The following GALNT17 variants were observed in gnomAD, a reference collection of about 807,000 sequenced individuals.
GALNT17 encodes UDP-GalNAc:polypeptide N-acetylgalactosaminyltransferase-like 3.
A neutral mutation model predicts 63.7 loss-of-function variants in GALNT17; 29 were observed. The observed-to-expected ratio is 0.46, with a 90% CI of 0.34 to 0.62. The LOEUF (loss-of-function observed/expected upper bound fraction) is 0.62. GALNT17 is among the 20% of genes least tolerant of loss of function. The probability of loss-of-function intolerance (pLI) is 0.01; values close to 1 mark genes in which losing one functional copy is unlikely to be tolerated. For missense variants in GALNT17, 603 were observed against 799.6 expected (o/e 0.75, Z 2.97); for synonymous variants, 305 against 318.3 (o/e 0.96, Z 0.45).
chr7:71,210,425 C>T (rs1160639611), intron 1 of GALNT17, among the ~76,000 whole-genome samples: 1 of 152,152 alleles, frequency 6.6e-6, no homozygotes, highest in Non-Finnish European at 1.5e-5. Context: ...GCATGAGTCA[C>T]CACTCCTGGC....
At chr7:71,369,297 C>A (rs1563040624) in intron 2 of GALNT17, among the ~76,000 whole-genome samples, 1 of 152,108 alleles carries the variant, frequency 6.6e-6, no homozygotes, top group Non-Finnish European at 1.5e-5. Context: ...AACCTGTAGG[C>A]TAGGGATGCA....
At chr7:71,440,878 C>T (rs1224912733) in intron 5 of GALNT17, among the ~76,000 whole-genome samples, 3 of 152,210 alleles carry the variant, frequency 2.0e-5, no homozygotes, top group Non-Finnish European at 2.9e-5. Flanking sequence ...AGTAACTTCT[C>T]ATCAGGCCTT....
intron 1 of GALNT17, among the ~76,000 whole-genome samples, chr7:71,270,627 C>G (rs1317428454): frequency 3.3e-5 from 5 of 150,244 alleles, no homozygotes; most frequent in Admixed American, 6.6e-5. Context: ...GTATGCATCA[C>G]TTGGCTTCAG....
chr7:71,403,570 T>C (rs1472791970), intron 3 of GALNT17, among the ~76,000 whole-genome samples: 2 of 152,178 alleles, frequency 1.3e-5, no homozygotes, highest in African/African-American at 4.8e-5. Flanking sequence ...TATGATGCAT[T>C]AGTAACTTAA....
Position 71,552,029 on chromosome 7 carries a change from T to A in GALNT17, c.963-19256T>A, listed in dbSNP as rs1418798188. Among the ~76,000 whole-genome samples, 21 of 149,276 alleles carry A rather than the reference T, an allele frequency of 1.4e-4. 1 individual carries two copies. The South Asian group carries it at 3.6e-3, about 26-fold the overall frequency. On this transcript the variant is annotated intron_variant, in intron 5 of 10. Transcript: ENST00000333538. ...TGCTCTTTTTATTTATTTATTTATTTATTTATTTATTTATTTATTTATTTA... is the reference window on the plus strand; with the variant it reads ...TGCTCTTTTTATTTATTTATTTATTAATTTATTTATTTATTTATTTATTTA...
chr7:71,377,818 G>A (rs1792773239), intron 2 of GALNT17, among the ~76,000 whole-genome samples: 1 of 152,100 alleles, frequency 6.6e-6, no homozygotes, highest in African/African-American at 2.4e-5. Context: ...TAAGTGTTTG[G>A]AAGTCCCTCC....
intron 6 of GALNT17, among the ~76,000 whole-genome samples, chr7:71,632,070 C>T (rs557289889): frequency 3.4e-5 from 5 of 148,502 alleles, no homozygotes; most frequent in Admixed American, 2.0e-4. Flanking sequence ...CTTTAAAGGA[C>T]CTGAAGATGT....
intron 5 of GALNT17, among the ~76,000 whole-genome samples, chr7:71,475,550 G>A (rs1371472774): frequency 1.3e-5 from 2 of 152,156 alleles, no homozygotes; most frequent in African/African-American, 4.8e-5. Context: ...AATGGGAGTG[G>A]TGGGGAGCAG....
intron 1 of GALNT17, among the ~76,000 whole-genome samples, chr7:71,142,229 TG>T (rs1413710567): frequency 2.6e-5 from 4 of 152,150 alleles, no homozygotes; most frequent in South Asian, 2.1e-4. Context: ...TAGTAGAGTA[TG>T]GTCATTGTTA....
chr7:71,645,910 C>T (rs900461812), intron 6 of GALNT17, among the ~76,000 whole-genome samples: 1 of 152,122 alleles, frequency 6.6e-6, no homozygotes, highest in Non-Finnish European at 1.5e-5. Flanking sequence ...TCATTTTGTG[C>T]CTAGGCCTAA....
At chr7:71,209,460 A>G (rs938759416) in intron 1 of GALNT17, among the ~76,000 whole-genome samples, 13 of 152,164 alleles carry the variant, frequency 8.5e-5, no homozygotes, top group Non-Finnish European at 1.5e-4. Context: ...GCCCAAGGTT[A>G]TATTTTAGTT....
intron 5 of GALNT17, among the ~76,000 whole-genome samples, chr7:71,518,761 A>C (rs1788482214): frequency 6.6e-6 from 1 of 152,106 alleles, no homozygotes; most frequent in South Asian, 2.1e-4. Context: ...CAAGATTAAA[A>C]CCTTTGCCTG....
intron 6 of GALNT17, among the ~76,000 whole-genome samples, chr7:71,643,684 C>T (rs1380854582): frequency 1.3e-5 from 2 of 152,106 alleles, no homozygotes; most frequent in Admixed American, 6.5e-5. Context: ...AGCCAGGCTG[C>T]GAGCTGATTG....
At chr7:71,551,936 T>G (rs1399597862) in intron 5 of GALNT17, among the ~76,000 whole-genome samples, 1 of 152,130 alleles carries the variant, frequency 6.6e-6, no homozygotes, top group Non-Finnish European at 1.5e-5. Context: ...GTGTGAGATT[T>G]TCTGGGCTTC....
chr7:71,201,033 A>G (rs1395186267), intron 1 of GALNT17, among the ~76,000 whole-genome samples: 1 of 151,884 alleles, frequency 6.6e-6, no homozygotes, highest in East Asian at 1.9e-4. Context: ...CTCTCTGCCA[A>G]AATTGGGCTT....
At chr7:71,571,260 C>T (rs1428787250) in intron 5 of GALNT17, 25 bp from the exon 6 acceptor site, 1 of 1,603,582 alleles carries the variant, frequency 6.2e-7, no homozygotes, top group Non-Finnish European at 8.5e-7. Context: ...CCTCAATGAG[C>T]TTCCCTTCTT....
chr7:71,508,058 A>G (rs1788295522), intron 5 of GALNT17, among the ~76,000 whole-genome samples: 1 of 152,138 alleles, frequency 6.6e-6, no homozygotes, highest in Middle Eastern at 3.2e-3. Context: ...AATTGTGCCT[A>G]GTTTCCTTGC....
intron 1 of GALNT17, among the ~76,000 whole-genome samples, chr7:71,282,448 C>A (rs1036444325): frequency 6.6e-6 from 1 of 152,192 alleles, no homozygotes; most frequent in African/African-American, 2.4e-5. Context: ...TATTCTTTGC[C>A]CCCGCAAGGC....
chr7:71,308,152 A>G (rs1791341905), intron 1 of GALNT17, among the ~76,000 whole-genome samples: 1 of 152,134 alleles, frequency 6.6e-6, no homozygotes, highest in Non-Finnish European at 1.5e-5. Flanking sequence ...AAAGTATATA[A>G]AGACCTGCTA....
Sources: gnomAD v4.1 joint callset for allele counts (sites outside exome capture counted in the v4.1 genomes callset) on GRCh38, gnomAD v4.1.1 for gene constraint, MANE v1.5 for transcripts, NCBI Gene and HGNC (gene_info 2026-07-23, HGNC 2026-07-21) for gene names.